DLGAP1: variants seen among roughly 807,000 people sequenced by gnomAD.
DLGAP1 encodes the protein disks large-associated protein 1.
A neutral mutation model predicts 90.8 loss-of-function variants in DLGAP1; 11 were observed. The observed-to-expected ratio is 0.12, with a 90% CI of 0.08 to 0.20. The LOEUF (loss-of-function observed/expected upper bound fraction) is 0.20. Among genes scored for constraint, DLGAP1 ranks in the 10% least tolerant of loss-of-function variants. DLGAP1 has a pLI of 1.00. For synonymous variants in DLGAP1, 558 were observed against 540.7 expected, an observed-to-expected ratio of 1.03 and a Z score of -0.44; for missense variants, 1,050 against 1,333.8, an observed-to-expected ratio of 0.79 and a Z score of 3.31.
At chr18:4,221,566 G>T (rs2078077292) in intron 1 of DLGAP1, among the ~76,000 whole-genome samples, 2 of 151,954 alleles carry the variant, frequency 1.3e-5, no homozygotes, top group African/African-American at 4.8e-5. Context: ...TAAGACCAAC[G>T]ATGCCTCAGA....
intron 2 of DLGAP1, among the ~76,000 whole-genome samples, chr18:4,148,081 T>C (rs913035058): frequency 6.6e-6 from 1 of 152,080 alleles, no homozygotes; most frequent in Admixed American, 6.5e-5. Context: ...CATTTATCAC[T>C]AGAGACAGAA....
Position 3,653,276 on chromosome 18 carries a change from A to G in DLGAP1, c.1592-71028T>C, listed in dbSNP as rs189844562. ...TCCCCCTTCCGTCAAATTGCTGTCTAGATGTTTCTCTCTGACCCCAATTTT... is the reference window on the plus strand; with the variant it reads ...TCCCCCTTCCGTCAAATTGCTGTCTGGATGTTTCTCTCTGACCCCAATTTT... On this transcript the variant is annotated intron_variant, in intron 7 of 12. Coordinates refer to ENST00000315677, the MANE Select transcript of DLGAP1 (RefSeq NM_004746.4). This position sits in a 1 kb window ranked among gnomAD's most constrained non-coding sequence, Gnocchi z 4.6. 3 of 152,204 alleles carry G rather than the reference A, an allele frequency of 2.0e-5. No individual in the cohort carries two copies. The East Asian group carries it at 5.8e-4, about 29-fold the overall frequency. The allele number at this position is 152,204 out of a possible 1,614,324, so 9.4% of individuals were successfully genotyped here.
chr18:3,731,817 T>C (rs1275999009), intron 6 of DLGAP1, among the ~76,000 whole-genome samples: 1 of 152,204 alleles, frequency 6.6e-6, no homozygotes. Context: ...TAATGAATTA[T>C]AATAAGGCAA....
intron 10 of DLGAP1, among the ~76,000 whole-genome samples, chr18:3,521,446 C>G (rs1179970321): frequency 6.6e-6 from 1 of 152,196 alleles, no homozygotes; most frequent in African/African-American, 2.4e-5. Flanking sequence ...GCTCCAAGCG[C>G]CCACGGCTTC....
intron 3 of DLGAP1, among the ~76,000 whole-genome samples, chr18:3,989,017 C>G (rs1315154288): frequency 6.6e-6 from 1 of 152,208 alleles, no homozygotes; most frequent in Non-Finnish European, 1.5e-5. Context: ...GCATCACAGG[C>G]CCGGCTGCTC....
At chr18:3,683,101 C>T (rs1409884675) in intron 7 of DLGAP1, among the ~76,000 whole-genome samples, 1 of 152,058 alleles carries the variant, frequency 6.6e-6, no homozygotes, top group Non-Finnish European at 1.5e-5. Flanking sequence ...CATGATCCAC[C>T]CGCCTCAGCC....
intron 9 of DLGAP1, among the ~76,000 whole-genome samples, chr18:3,551,722 CCCTT>C (rs1156785378): frequency 0.099 from 1,234 of 12,476 alleles, 143 homozygotes; most frequent in Non-Finnish European, 0.12. Context: ...CTCCCTCCCT[CCCTT>C]CCTTCCTTCC....
chr18:4,423,982 T>C (rs1323742271), intron 1 of DLGAP1, among the ~76,000 whole-genome samples: 3 of 151,212 alleles, frequency 2.0e-5, no homozygotes, highest in African/African-American at 7.3e-5. Context: ...TGAAACTCCA[T>C]CTCTACTAAA....
chr18:3,887,038 T>C (rs2071335354), intron 3 of DLGAP1, among the ~76,000 whole-genome samples: 2 of 152,294 alleles, frequency 1.3e-5, no homozygotes, highest in African/African-American at 2.4e-5. Flanking sequence ...CCTCTGCATT[T>C]TGTTTAGTCG....
chr18:4,399,790 C>G (rs1315718748), intron 1 of DLGAP1, among the ~76,000 whole-genome samples: 1 of 152,146 alleles, frequency 6.6e-6, no homozygotes, highest in Non-Finnish European at 1.5e-5. Flanking sequence ...GAATATCCCT[C>G]ACTTCATAGG....
rs530339460 is a variant in DLGAP1 at position 3,721,328 on chromosome 18, T to C, written c.1591+7807A>G. 1.0e-3 allele frequency among the ~76,000 whole-genome samples: 153 copies of C among 152,296 alleles called. 1 individual carries two copies. Among genetic ancestry groups the C allele is most frequent in the Non-Finnish European group, 1.2e-3 (81 of 68,028 alleles). Reference sequence around the variant, plus strand: ...ATTTGCCACCTGCTTAATTTACGCATGAGTTGGCAAAAATTATTTTCTCCA... The same window carrying C: ...ATTTGCCACCTGCTTAATTTACGCACGAGTTGGCAAAAATTATTTTCTCCA... On this transcript the variant is annotated intron_variant, in intron 7 of 12. Transcript: ENST00000315677.
chr18:4,078,912 A>G (rs1315747774), intron 2 of DLGAP1, among the ~76,000 whole-genome samples: 1 of 152,170 alleles, frequency 6.6e-6, no homozygotes, highest in Admixed American at 6.5e-5. Context: ...TGGACTAGTT[A>G]GCATTTTTTT....
intron 2 of DLGAP1, among the ~76,000 whole-genome samples, chr18:4,146,810 C>T (rs534752538): frequency 1.3e-5 from 2 of 151,972 alleles, no homozygotes; most frequent in East Asian, 1.9e-4. Context: ...TTCATGAGTG[C>T]GTTCTGAGGT....
At chr18:3,796,707 A>G (rs1373599157) in intron 5 of DLGAP1, among the ~76,000 whole-genome samples, 1 of 152,338 alleles carries the variant, frequency 6.6e-6, no homozygotes, top group South Asian at 2.1e-4. Flanking sequence ...AAACTGTCGG[A>G]TCCTCACCAT....
intron 2 of DLGAP1, among the ~76,000 whole-genome samples, chr18:4,028,510 A>T (rs144732858): frequency 2.6e-5 from 4 of 152,366 alleles, no homozygotes; most frequent in Non-Finnish European, 5.9e-5. Flanking sequence ...AACTTGCTTA[A>T]TATGAACAGT....
chr18:3,769,919 C>T (rs2147997095), intron 5 of DLGAP1: 2 of 152,042 alleles, frequency 1.3e-5, no homozygotes, highest in South Asian at 4.2e-4. Flanking sequence ...TGTTAATCTA[C>T]AATTATCTCA....
At chr18:4,043,429 A>T (rs1246722390) in intron 2 of DLGAP1, among the ~76,000 whole-genome samples, 1 of 152,220 alleles carries the variant, frequency 6.6e-6, no homozygotes, top group African/African-American at 2.4e-5. Context: ...GCATTTATTT[A>T]TATTAAAACC....
At chr18:3,854,210 T>C (rs1292915274) in intron 4 of DLGAP1, among the ~76,000 whole-genome samples, 4 of 152,224 alleles carry the variant, frequency 2.6e-5, no homozygotes, top group Non-Finnish European at 4.4e-5. Context: ...TGACTTTTCC[T>C]AAATGGTATC....
At chr18:4,349,233 A>G (rs903392136) in intron 1 of DLGAP1, among the ~76,000 whole-genome samples, 2 of 152,176 alleles carry the variant, frequency 1.3e-5, no homozygotes, top group Non-Finnish European at 2.9e-5. Flanking sequence ...AAAAATTTTT[A>G]AAACCTGAAT....
Sources: gnomAD v4.1 joint callset for allele counts (sites outside exome capture counted in the v4.1 genomes callset) on GRCh38, gnomAD v4.1.1 for gene constraint, Gnocchi (gnomAD v3.1) non-coding constraint, MANE v1.5 for transcripts, NCBI Gene and HGNC (gene_info 2026-07-23, HGNC 2026-07-21) for gene names.